IQGAP2: variants seen among roughly 807,000 people sequenced by gnomAD.
IQGAP2 encodes the protein IQ motif containing GTPase activating protein 2, also known as ras GTPase-activating-like protein IQGAP2.
Under a neutral mutation model 201.3 loss-of-function variants are expected in IQGAP2, and 173 were observed. That is an observed-to-expected ratio of 0.86 (90% CI 0.76 to 0.98). The LOEUF is 0.98. Ranked by LOEUF, IQGAP2 falls within the 50% of genes least tolerant of loss-of-function variation. The probability of loss-of-function intolerance (pLI) is 0.00; values close to 1 mark genes in which losing one functional copy is unlikely to be tolerated. For synonymous variants in IQGAP2, 675 were observed against 673.9 expected (o/e 1.00, Z -0.03); for missense variants, 1,687 against 1,864.8 (o/e 0.90, Z 1.76).
chr5:76,411,298 G>A (rs938991248), intron 1 of IQGAP2, among the ~76,000 whole-genome samples: 1 of 152,212 alleles, frequency 6.6e-6, no homozygotes, highest in Admixed American at 6.5e-5. Flanking sequence ...TCTCTTGGAT[G>A]TTTGATTTGT....
intron 2 of IQGAP2, among the ~76,000 whole-genome samples, chr5:76,479,242 G>C (rs961919130): frequency 6.6e-6 from 1 of 152,126 alleles, no homozygotes; most frequent in African/African-American, 2.4e-5. Context: ...CTCACTCGCT[G>C]TACCCCACTG....
At chr5:76,523,743 A>G (rs1173777642) in intron 2 of IQGAP2, among the ~76,000 whole-genome samples, 1 of 152,126 alleles carries the variant, frequency 6.6e-6, no homozygotes, top group East Asian at 1.9e-4. Flanking sequence ...TTCATCTACT[A>G]AGTAGTGAAG....
At chr5:76,505,568 A>G (rs1291809480) in intron 2 of IQGAP2, among the ~76,000 whole-genome samples, 3 of 152,184 alleles carry the variant, frequency 2.0e-5, no homozygotes, top group Admixed American at 2.0e-4. Flanking sequence ...TAAGAAAAAA[A>G]AAATCCTCTT....
intron 5 of IQGAP2, among the ~76,000 whole-genome samples, chr5:76,582,095 A>G (rs1038983302): frequency 2.0e-5 from 3 of 152,166 alleles, no homozygotes; most frequent in Admixed American, 6.5e-5. Flanking sequence ...TATTACTCCC[A>G]TTTTATCACC....
intron 2 of IQGAP2, among the ~76,000 whole-genome samples, chr5:76,536,396 T>G (rs1205370119): frequency 6.6e-6 from 1 of 151,778 alleles, no homozygotes; most frequent in Non-Finnish European, 1.5e-5. Context: ...TTAAACAGTT[T>G]GGAGGGAAAA....
chr5:76,414,383 G>C (rs1389898646), intron 1 of IQGAP2, among the ~76,000 whole-genome samples: 1 of 152,134 alleles, frequency 6.6e-6, no homozygotes, highest in Non-Finnish European at 1.5e-5. Context: ...CAGCCCACCA[G>C]AGCCTCGCTG....
At chr5:76,470,199 C>T (rs1755028369) in intron 2 of IQGAP2, among the ~76,000 whole-genome samples, 1 of 152,160 alleles carries the variant, frequency 6.6e-6, no homozygotes, top group African/African-American at 2.4e-5. Flanking sequence ...TTACACATGG[C>T]AACTGGTTTC....
intron 1 of IQGAP2, among the ~76,000 whole-genome samples, chr5:76,454,874 T>G (rs2150119579): frequency 6.6e-6 from 1 of 152,326 alleles, no homozygotes; most frequent in African/African-American, 2.4e-5. Context: ...CCACACTAAC[T>G]TCCACAATGG....
intron 9 of IQGAP2, 148 bp from the exon 10 acceptor site, chr5:76,597,291 C>G (rs1344093770): frequency 2.8e-6 from 2 of 708,276 alleles, no homozygotes; most frequent in Non-Finnish European, 4.7e-6. Flanking sequence ...ATAACATTTT[C>G]AAAGCCTTAC....
At position 76,606,267 on chromosome 5, in the gene IQGAP2, G is replaced by C; in HGVS notation, c.1321G>C (p.Asp441His). 6.2e-7 allele frequency: 1 copy of C among 1,603,350 alleles called. No individual in the cohort carries two copies. Among genetic ancestry groups the C allele is most frequent in the South Asian group, 1.1e-5 (1 of 88,552 alleles). ...LSWNEIQNCI[D>H]MVNAQIQEEN... ...CTGGAATGAAATTCAGAATTGTATT[G>C]ATATGGTTAATGCTCAAATTCAAGA... Residue 441 changes from aspartate (D) to histidine (H), a missense_variant, in exon 12 of 36, where the codon GAT becomes CAT. Physicochemically the swap from Asp to His is moderately conservative, Grantham distance 81. Transcript: ENST00000274364.
At chr5:76,586,963 G>T (rs1452300538) in intron 5 of IQGAP2, among the ~76,000 whole-genome samples, 2 of 152,208 alleles carry the variant, frequency 1.3e-5, no homozygotes, top group African/African-American at 4.8e-5. Context: ...GTACTGCATA[G>T]CTTCCCAGTT....
chr5:76,403,542 C>T lies in IQGAP2; in HGVS notation c.-4C>T. The stretch of plus-strand genomic sequence containing the variant: ...CCCCGGGCGGGCCCCCGGAGACGCG[C>T]AGGATGCCACACGAAGAGCTGCCGT... On this transcript the variant is annotated 5_prime_UTR_variant, in exon 1 of 36. Coordinates refer to ENST00000274364, the MANE Select transcript of IQGAP2 (RefSeq NM_006633.5). The surrounding 1 kb of genome is among the most constrained non-coding windows in gnomAD (Gnocchi z 4.8). 2 of 1,519,622 alleles carry T rather than the reference C, an allele frequency of 1.3e-6. No homozygotes were observed. Among genetic ancestry groups the T allele is most frequent in the Non-Finnish European group, 1.8e-6 (2 of 1,140,572 alleles). The allele number at this position is 1,519,622 out of a possible 1,614,324, so 94.1% of individuals were successfully genotyped here.
intron 1 of IQGAP2, chr5:76,404,428 C>T (rs1394768454): frequency 1.0e-6 from 1 of 982,666 alleles, no homozygotes; most frequent in East Asian, 1.1e-4. Flanking sequence ...TCCTTTAAAA[C>T]AAACAGAAAG....
At position 76,562,405 on chromosome 5, in the gene IQGAP2, A is replaced by C; in HGVS notation, c.156A>C (p.Glu52Asp). ...TTTTTAATCTCTTTAGGTGGATGGAAGTTTGCTTAGTTGAAGAATTGCCAC... is the reference window on the plus strand; with the variant it reads ...TTTTTAATCTCTTTAGGTGGATGGACGTTTGCTTAGTTGAAGAATTGCCAC... Reference protein sequence around the residue: ...CHLEEAKRWMEVCLVEELPPT... With the variant: ...CHLEEAKRWMDVCLVEELPPT... Residue 52 changes from glutamate to aspartate, a missense_variant, in exon 3 of 36, where the codon GAA becomes GAC. Coordinates refer to ENST00000274364, the MANE Select transcript of IQGAP2 (RefSeq NM_006633.5). 6.2e-7 allele frequency: 1 copy of C among 1,611,900 alleles called. No homozygotes were observed.
At chr5:76,610,370 A>G (rs142679605) in intron 12 of IQGAP2, among the ~76,000 whole-genome samples, 9 of 151,656 alleles carry the variant, frequency 5.9e-5, no homozygotes, top group Admixed American at 4.6e-4. Flanking sequence ...ATACAAATCC[A>G]AACCACAGTA....
chr5:76,467,374 A>G (rs545192387), intron 2 of IQGAP2, among the ~76,000 whole-genome samples: 2 of 152,252 alleles, frequency 1.3e-5, no homozygotes, highest in Admixed American at 6.5e-5. Context: ...CAAGTGATCA[A>G]TAAGCATATG....
chr5:76,688,429 A>G (rs1745976832), intron 30 of IQGAP2, among the ~76,000 whole-genome samples: 1 of 152,212 alleles, frequency 6.6e-6, no homozygotes. Context: ...ATTCCATGCT[A>G]GTCTCATAAT....
At chr5:76,706,318 GTGTTTTTGTTTT>G (rs58225513) in intron 35 of IQGAP2, among the ~76,000 whole-genome samples, 42 of 150,784 alleles carry the variant, frequency 2.8e-4, no homozygotes, top group East Asian at 7.8e-4. Flanking sequence ...ACTGCTTTCT[GTGTTTTTGTTTT>G]TGTTTTTGTT....
intron 13 of IQGAP2, among the ~76,000 whole-genome samples, chr5:76,620,436 T>A (rs1487411507): frequency 6.6e-6 from 1 of 152,096 alleles, no homozygotes; most frequent in Non-Finnish European, 1.5e-5. Flanking sequence ...CTACTCTAGA[T>A]GACTTGGAGG....
Sources: gnomAD v4.1 joint callset for allele counts (sites outside exome capture counted in the v4.1 genomes callset) on GRCh38, gnomAD v4.1.1 for gene constraint, Gnocchi (gnomAD v3.1) non-coding constraint, MANE v1.5 for transcripts, NCBI Gene and HGNC (gene_info 2026-07-23, HGNC 2026-07-21) for gene names.